The following SLC2A13 variants were observed in gnomAD, a reference collection of about 807,000 sequenced individuals.
The protein encoded by SLC2A13 is proton myo-inositol cotransporter.
In SLC2A13, 32 loss-of-function variants were observed where a neutral mutation model predicts 64.4. That is an observed-to-expected ratio of 0.50 (90% CI 0.37 to 0.67). The LOEUF is 0.67. SLC2A13 is among the 30% of genes least tolerant of loss of function. SLC2A13 has a pLI of 0.00. For missense variants in SLC2A13, 743 were observed against 829.2 expected, an observed-to-expected ratio of 0.90 and a Z score of 1.28; for synonymous variants, 338 against 327.1, an observed-to-expected ratio of 1.03 and a Z score of -0.36.
chr12:39,923,694 G>GCACACACACACACACACA (rs200530373), intron 4 of SLC2A13, among the ~76,000 whole-genome samples: 133 of 137,324 alleles, frequency 9.7e-4, no homozygotes, highest in South Asian at 2.0e-3. Flanking sequence ...ATATGCGCAC[G>GCACACACACACACACACA]CGCACACACA....
chr12:39,899,588 G>T (rs992197914), intron 4 of SLC2A13, among the ~76,000 whole-genome samples: 3 of 151,950 alleles, frequency 2.0e-5, no homozygotes, highest in African/African-American at 7.3e-5. Flanking sequence ...GTCAATTTTG[G>T]ATCTTTCCTG....
chr12:39,756,301 C>T lies in SLC2A13; in HGVS notation c.*3725G>A, dbSNP rs994202934. The T allele has an allele frequency of 4.6e-5, 7 of 151,848 alleles. No individual in the cohort carries two copies. The highest frequency in any genetic ancestry group is 1.7e-4 in the African/African-American group (7 of 41,410). 9.4% of individuals were successfully genotyped at this position (151,848 alleles called of 1,614,324 possible). On this transcript the variant is annotated 3_prime_UTR_variant, in exon 10 of 10. Transcript: ENST00000280871. The stretch of plus-strand genomic sequence containing the variant: ...TCTGCTCCTGGTCTGATATAATCAT[C>T]TATTTCTTTTACTCATAGATACTGA...
At chr12:39,799,886 G>A (rs1371382190) in intron 7 of SLC2A13, among the ~76,000 whole-genome samples, 1 of 152,196 alleles carries the variant, frequency 6.6e-6, no homozygotes, top group Non-Finnish European at 1.5e-5. Context: ...GGTGCAGAGA[G>A]AATCAAATTT....
At chr12:39,818,455 T>TGA (rs1382523462) in intron 7 of SLC2A13, among the ~76,000 whole-genome samples, 1 of 152,230 alleles carries the variant, frequency 6.6e-6, no homozygotes, top group Non-Finnish European at 1.5e-5. Flanking sequence ...CAATAGTATC[T>TGA]GAGCTAGCAG....
Position 39,871,777 on chromosome 12 carries a change from AT to A in SLC2A13, c.1198+20del. The A allele has an allele frequency of 6.3e-7, 1 of 1,580,706 alleles. No homozygotes were observed. Among genetic ancestry groups the A allele is most frequent in the Non-Finnish European group, 8.6e-7 (1 of 1,165,454 alleles). On this transcript the variant is annotated intron_variant, in intron 5 of 9. Transcript: ENST00000280871. ...ATTAGGAAATAAAGTTTATAATTGAATTCTTTATCCAGCCACCTACCTGCTA... is the reference window on the plus strand; with the variant it reads ...ATTAGGAAATAAAGTTTATAATTGAATCTTTATCCAGCCACCTACCTGCTA...
At chr12:40,062,677 G>C (rs1022450278) in intron 1 of SLC2A13, among the ~76,000 whole-genome samples, 1 of 151,960 alleles carries the variant, frequency 6.6e-6, no homozygotes, top group African/African-American at 2.4e-5. Flanking sequence ...TAAAAGAAAA[G>C]TAATAAGCTC....
At chr12:40,102,387 A>G (rs1159612707) in intron 1 of SLC2A13, among the ~76,000 whole-genome samples, 1 of 152,222 alleles carries the variant, frequency 6.6e-6, no homozygotes. Flanking sequence ...TTTGAAAAGA[A>G]CAATCCTACC....
At chr12:40,032,828 C>G (rs1368823016) in intron 2 of SLC2A13, among the ~76,000 whole-genome samples, 2 of 152,220 alleles carry the variant, frequency 1.3e-5, no homozygotes, top group Admixed American at 6.5e-5. Flanking sequence ...GAATTTTGCA[C>G]TTCACGATCA....
At chr12:40,009,311 T>C (rs954766928) in intron 3 of SLC2A13, among the ~76,000 whole-genome samples, 7 of 152,238 alleles carry the variant, frequency 4.6e-5, no homozygotes, top group African/African-American at 1.4e-4. Flanking sequence ...AAATCTTTGA[T>C]CATAAATGAT....
chr12:39,843,847 T>C (rs1943238628), intron 6 of SLC2A13, among the ~76,000 whole-genome samples: 1 of 152,106 alleles, frequency 6.6e-6, no homozygotes, highest in Admixed American at 6.6e-5. Flanking sequence ...CTGGCTGCTA[T>C]ACCAGCTCAA....
At chr12:39,809,065 A>G (rs1350820632) in intron 7 of SLC2A13, among the ~76,000 whole-genome samples, 1 of 152,092 alleles carries the variant, frequency 6.6e-6, no homozygotes, top group Non-Finnish European at 1.5e-5. Flanking sequence ...TCTATGATGT[A>G]TATTGAGCTT....
chr12:39,761,303 A>C (rs1370370801), intron 9 of SLC2A13, among the ~76,000 whole-genome samples: 1 of 151,988 alleles, frequency 6.6e-6, no homozygotes, highest in Non-Finnish European at 1.5e-5. Flanking sequence ...TGATTCTGTA[A>C]ATCTTACAGC....
At chr12:40,071,965 G>C (rs948837624) in intron 1 of SLC2A13, among the ~76,000 whole-genome samples, 3 of 151,824 alleles carry the variant, frequency 2.0e-5, no homozygotes, top group Non-Finnish European at 2.9e-5. Context: ...GCCTACCTTG[G>C]ATTTAATTCC....
intron 6 of SLC2A13, among the ~76,000 whole-genome samples, chr12:39,844,536 T>A (rs4542485): frequency 0.083 from 12,640 of 152,078 alleles, 698 homozygotes; most frequent in Non-Finnish European, 0.1. Context: ...GTGTTCTTTT[T>A]AGAAAAGAAA....
At chr12:39,789,340 A>T (rs1249971943) in intron 7 of SLC2A13, among the ~76,000 whole-genome samples, 2 of 152,046 alleles carry the variant, frequency 1.3e-5, no homozygotes, top group Admixed American at 1.3e-4. Context: ...TAATTTCTTA[A>T]TATTATGCTT....
chr12:39,966,811 G>A (rs1946525652), intron 3 of SLC2A13, among the ~76,000 whole-genome samples: 1 of 152,026 alleles, frequency 6.6e-6, no homozygotes, highest in African/African-American at 2.4e-5. Context: ...AATGTCTGTG[G>A]GTATCTAACC....
intron 4 of SLC2A13, among the ~76,000 whole-genome samples, chr12:39,896,093 TAC>T (rs1251025675): frequency 1.3e-5 from 2 of 149,486 alleles, no homozygotes; most frequent in Non-Finnish European, 3.0e-5. Context: ...CATATATGTA[TAC>T]ACGTGTATAC....
At chr12:39,820,969 C>T (rs1942488710) in intron 7 of SLC2A13, among the ~76,000 whole-genome samples, 1 of 151,960 alleles carries the variant, frequency 6.6e-6, no homozygotes, top group African/African-American at 2.4e-5. Flanking sequence ...CAGCTCTCTA[C>T]TTCCTACTGC....
At chr12:39,958,939 G>T (rs904938413) in intron 3 of SLC2A13, among the ~76,000 whole-genome samples, 2 of 151,920 alleles carry the variant, frequency 1.3e-5, no homozygotes, top group African/African-American at 4.8e-5. Context: ...GTGTAGTTCA[G>T]GCTTTGCTCA....
Sources: allele counts gnomAD v4.1 joint callset (sites outside exome capture counted in the v4.1 genomes callset), GRCh38; gene constraint gnomAD v4.1.1; transcripts MANE v1.5; gene names NCBI Gene and HGNC (gene_info 2026-07-23, HGNC 2026-07-21).